Variants in COMMD1 observed in about 807,000 individuals in gnomAD.
The protein encoded by COMMD1 is copper metabolism domain containing 1, also known as COMM domain-containing protein 1.
A neutral mutation model predicts 17.2 loss-of-function variants in COMMD1; 10 were observed. The ratio of observed to expected loss-of-function variants is 0.58; its 90% CI spans 0.36 to 0.99. The LOEUF is 0.99. Among genes scored for constraint, COMMD1 ranks in the 50% least tolerant of loss-of-function variants. The pLI is 0.01. For missense variants in COMMD1, 270 were observed against 231.8 expected, an observed-to-expected ratio of 1.17 and a Z score of -1.07; for synonymous variants, 97 against 91.6, an observed-to-expected ratio of 1.06 and a Z score of -0.34.
chr2:62,105,887 A>G (rs571149724), intron 2 of COMMD1, among the ~76,000 whole-genome samples: 5 of 152,284 alleles, frequency 3.3e-5, no homozygotes, highest in Admixed American at 3.3e-4. Flanking sequence ...GACAGCACCA[A>G]CCCTCCAACA....
intron 2 of COMMD1, among the ~76,000 whole-genome samples, chr2:62,099,778 T>G (rs1234744546): frequency 6.6e-6 from 1 of 152,052 alleles, no homozygotes; most frequent in Non-Finnish European, 1.5e-5. Context: ...ATGCGTTTCC[T>G]GGACAAGCCT....
At chr2:61,922,216 A>G (rs1670217586) in intron 1 of COMMD1, among the ~76,000 whole-genome samples, 1 of 152,190 alleles carries the variant, frequency 6.6e-6, no homozygotes, top group Admixed American at 6.5e-5. Context: ...CAATGCAGGG[A>G]AGATTCTAAA....
chr2:62,003,238 A>C (rs36083625), intron 2 of COMMD1, among the ~76,000 whole-genome samples: 23,085 of 151,024 alleles, frequency 0.15, 1,941 homozygotes, highest in East Asian at 0.24. Context: ...CTCAAAAAAA[A>C]AAAACAAAAC....
chr2:62,093,829 A>G (rs1244536442), intron 2 of COMMD1, among the ~76,000 whole-genome samples: 1 of 152,218 alleles, frequency 6.6e-6, no homozygotes, highest in Non-Finnish European at 1.5e-5. Flanking sequence ...TTTCCATAGC[A>G]TGCCAAAATC....
At chr2:62,036,060 A>T (rs1024049478) in intron 2 of COMMD1, among the ~76,000 whole-genome samples, 11 of 147,578 alleles carry the variant, frequency 7.5e-5, no homozygotes, top group African/African-American at 2.4e-4. Flanking sequence ...TCTCTCACAC[A>T]CACACACACA....
chr2:61,936,148 T>C (rs2103622377), intron 1 of COMMD1, among the ~76,000 whole-genome samples: 1 of 152,244 alleles, frequency 6.6e-6, no homozygotes, highest in African/African-American at 2.4e-5. Flanking sequence ...TTCATTCCTA[T>C]TTTACAGATG....
intron 1 of COMMD1, among the ~76,000 whole-genome samples, chr2:61,911,316 A>G (rs1483240783): frequency 6.6e-6 from 1 of 152,154 alleles, no homozygotes; most frequent in Admixed American, 6.5e-5. Context: ...CTCTATTAAA[A>G]ATACAAAAAA....
intron 1 of COMMD1, among the ~76,000 whole-genome samples, chr2:61,913,626 C>T (rs918815575): frequency 4.7e-5 from 7 of 148,572 alleles, no homozygotes; most frequent in Middle Eastern, 3.2e-3. Flanking sequence ...TAAAAATTGG[C>T]TCTACTAAAA....
intron 2 of COMMD1, among the ~76,000 whole-genome samples, chr2:62,099,877 C>T (rs1039648061): frequency 3.9e-5 from 6 of 152,036 alleles, no homozygotes; most frequent in Non-Finnish European, 8.8e-5. Context: ...CCCCTGGTCA[C>T]CCAGGGGCGC....
At chr2:62,105,561 C>T (rs961276183) in intron 2 of COMMD1, among the ~76,000 whole-genome samples, 10 of 152,178 alleles carry the variant, frequency 6.6e-5, no homozygotes, top group African/African-American at 9.6e-5. Context: ...CGGTGGCTCA[C>T]GCCTATAATC....
chr2:61,949,298 C>T (rs879379954), intron 1 of COMMD1, among the ~76,000 whole-genome samples: 27 of 151,932 alleles, frequency 1.8e-4, no homozygotes, highest in Admixed American at 1.2e-3. Flanking sequence ...TGTAGAGAAC[C>T]GAGAAGCCTT....
intron 2 of COMMD1, among the ~76,000 whole-genome samples, chr2:62,082,250 A>G (rs1391012693): frequency 6.6e-6 from 1 of 152,214 alleles, no homozygotes; most frequent in Non-Finnish European, 1.5e-5. Context: ...TCCAGTTCTA[A>G]ATGCATACAT....
rs145839899 is a variant in COMMD1, at chr2:62,041,823, C to T, written c.462+40841C>T. Among the ~76,000 whole-genome samples the T allele has an allele frequency of 8.1e-3, 1,230 of 152,272 alleles. 23 individuals carry two copies. Among genetic ancestry groups the T allele is most frequent in the African/African-American group, 0.029 (1,187 of 41,544 alleles). On this transcript the variant is annotated intron_variant, in intron 2 of 2. Transcript: ENST00000311832. ...CTTCCTTCCGGTGGGTTCGTGGTCT[C>T]GCTGGCTTCAGGAGTCAAGCTGCAG...
At chr2:62,077,373 C>T (rs1329374132) in intron 2 of COMMD1, among the ~76,000 whole-genome samples, 1 of 152,120 alleles carries the variant, frequency 6.6e-6, no homozygotes, top group Non-Finnish European at 1.5e-5. Context: ...CATTAGTTGC[C>T]TCCTTCTATT....
intron 2 of COMMD1, among the ~76,000 whole-genome samples, chr2:62,094,798 A>C (rs1309329629): frequency 6.6e-6 from 1 of 152,236 alleles, no homozygotes; most frequent in East Asian, 1.9e-4. Flanking sequence ...TAATGTTCAA[A>C]TTTATTTGGC....
intron 2 of COMMD1, among the ~76,000 whole-genome samples, chr2:62,008,951 T>A (rs1669203144): frequency 6.6e-6 from 1 of 152,058 alleles, no homozygotes; most frequent in African/African-American, 2.4e-5. Context: ...TCCTGGCTAA[T>A]TTTTGCATTT....
chr2:62,130,049 C>G (rs1292612592), intron 2 of COMMD1, among the ~76,000 whole-genome samples: 1 of 151,834 alleles, frequency 6.6e-6, no homozygotes, highest in East Asian at 1.9e-4. Flanking sequence ...GTGGTGGGTG[C>G]CTGTAGTCCC....
At chr2:62,114,993 A>G (rs1395526679) in intron 2 of COMMD1, among the ~76,000 whole-genome samples, 1 of 152,208 alleles carries the variant, frequency 6.6e-6, no homozygotes, top group African/African-American at 2.4e-5. Flanking sequence ...ATAGTGCTTA[A>G]CTGGCCAACA....
Position 61,905,836 on chromosome 2 carries a change from C to A in COMMD1, c.158C>A (p.Ala53Glu). Residue 53 changes from alanine (A) to glutamate (E), a missense_variant, in exon 1 of 3, where the codon GCA becomes GAA. Physicochemically the swap from Ala to Glu is moderately radical, Grantham distance 107. Coordinates refer to ENST00000311832, the MANE Select transcript of COMMD1 (RefSeq NM_152516.4). The part of the protein sequence containing the change: ...VPPEEFRPFL[A>E]KMRGILKSIA... ...CCCGAGGAGTTCCGCCCCTTTCTGGCAAAGATGAGGGGGATTCTTAAGGTA... is the reference window on the plus strand; with the variant it reads ...CCCGAGGAGTTCCGCCCCTTTCTGGAAAAGATGAGGGGGATTCTTAAGGTA... The A allele has an allele frequency of 6.2e-7, 1 of 1,614,196 alleles. No homozygotes were observed.
Sources: gnomAD v4.1 joint callset for allele counts (sites outside exome capture counted in the v4.1 genomes callset) on GRCh38, gnomAD v4.1.1 for gene constraint, MANE v1.5 for transcripts, NCBI Gene and HGNC (gene_info 2026-07-23, HGNC 2026-07-21) for gene names.